The following ENO4 variants were observed in gnomAD, a reference collection of about 807,000 sequenced individuals.
The protein encoded by ENO4 is 2-phospho-D-glycerate hydro-lyase.
A neutral mutation model predicts 63.2 loss-of-function variants in ENO4; 53 were observed. The ratio of observed to expected loss-of-function variants is 0.84; its 90% confidence interval spans 0.67 to 1.05. ENO4 has a LOEUF of 1.05. Ranked by LOEUF, ENO4 falls within the 50% of genes least tolerant of loss-of-function variation. ENO4 has a pLI of 0.00. For synonymous variants in ENO4, 266 were observed against 283.8 expected (o/e 0.94, Z 0.63); for missense variants, 719 against 772.0 (o/e 0.93, Z 0.81).
rs1206911414 is a variant in ENO4, at chr10:116,860,900, A to G, written c.741A>G (p.Lys247=). Residue 247 remains lysine, a synonymous_variant, in exon 5 of 14, where the codon AAA becomes AAG. Coordinates refer to ENST00000341276, the MANE Select transcript of ENO4 (RefSeq NM_001242699.2). ...AIGAVSLAVA[K]ACAMLLNKPL... ...GGGCCGTGTCACTAGCTGTTGCCAA[A>G]GCCTGTGCCATGCTGCTTAATAAAC... The G allele has an allele frequency of 6.5e-7, 1 of 1,549,886 alleles. No individual in the cohort carries two copies. Among genetic ancestry groups the G allele is most frequent in the South Asian group, 1.2e-5 (1 of 83,944 alleles).
intron 11 of ENO4, among the ~76,000 whole-genome samples, chr10:116,876,786 G>A (rs778278720): frequency 1.3e-4 from 20 of 151,898 alleles, no homozygotes; most frequent in Non-Finnish European, 2.8e-4. Context: ...CCCATCTCTA[G>A]TAAAAATACA....
Position 116,911,228 on chromosome 10 carries a change from T to C in ENO4, c.1195-271T>C, listed in dbSNP as rs576664308. Among the ~76,000 whole-genome samples, 13 of 152,172 alleles carry C rather than the reference T, an allele frequency of 8.5e-5. No homozygotes were observed. The East Asian group carries it at 1.2e-3, about 14-fold the overall frequency. On this transcript the variant is annotated intron_variant, in intron 10 of 10. Transcript: ENST00000369207. The stretch of plus-strand genomic sequence containing the variant: ...GCTCACAGTTTGAAAAGCAAAAATA[T>C]GACTAGGAAGGGACACAAAGTATGC...
chr10:116,903,057 A>G (rs1847811946), intron 10 of ENO4, among the ~76,000 whole-genome samples: 1 of 152,220 alleles, frequency 6.6e-6, no homozygotes, highest in African/African-American at 2.4e-5. Context: ...AAGAGAGACT[A>G]AAAAATTGTG....
chr10:116,857,186 C>A (rs1846288517), intron 3 of ENO4, among the ~76,000 whole-genome samples: 1 of 152,114 alleles, frequency 6.6e-6, no homozygotes, highest in Non-Finnish European at 1.5e-5. Flanking sequence ...TGTAACACTA[C>A]ATAGGGCTTT....
intron 10 of ENO4, chr10:116,906,771 C>A (rs1380651975): frequency 1.3e-6 from 2 of 1,587,832 alleles, no homozygotes; most frequent in Admixed American, 3.6e-5. Flanking sequence ...AAAACAAAAA[C>A]AAAAAGGTTA....
Position 116,902,999 on chromosome 10 carries a change from G to A in ENO4, c.1195-8500G>A, listed in dbSNP as rs538155990. On this transcript the variant is annotated intron_variant, in intron 10 of 10. Transcript: ENST00000369207. Reference sequence around the variant, plus strand: ...TGCCTGATATACTCAGTATAATAGCGTAACATATCAACTCTAAAAATGAAG... The same window carrying A: ...TGCCTGATATACTCAGTATAATAGCATAACATATCAACTCTAAAAATGAAG... 1.1e-4 allele frequency among the ~76,000 whole-genome samples: 17 copies of A among 152,238 alleles called. No individual in the cohort carries two copies. The South Asian group carries it at 2.5e-3, about 22-fold the overall frequency.
chr10:116,900,498 A>T, intron 10 of ENO4: 1 of 1,489,324 alleles, frequency 6.7e-7, no homozygotes, highest in Middle Eastern at 1.7e-4. Flanking sequence ...CAAAAGGCAG[A>T]CAAAAGGAGG....
At chr10:116,909,485 G>C (rs1848105287) in intron 10 of ENO4, among the ~76,000 whole-genome samples, 1 of 152,170 alleles carries the variant, frequency 6.6e-6, no homozygotes, top group Non-Finnish European at 1.5e-5. Context: ...AATCACCACT[G>C]TCACTTAGAG....
At chr10:116,874,447 G>A (rs139909189) in intron 10 of ENO4, among the ~76,000 whole-genome samples, 14 of 152,296 alleles carry the variant, frequency 9.2e-5, no homozygotes, top group Admixed American at 2.0e-4. Context: ...CAATTACCTA[G>A]GAGTGTGCCT....
At chr10:116,866,722 T>G (rs191545192) in intron 7 of ENO4, among the ~76,000 whole-genome samples, 1 of 151,894 alleles carries the variant, frequency 6.6e-6, no homozygotes, top group African/African-American at 2.4e-5. Flanking sequence ...GGAGGATTGC[T>G]TGAGCCCAGG....
intron 1 of ENO4, among the ~76,000 whole-genome samples, chr10:116,852,876 C>T (rs1297316434): frequency 6.6e-6 from 1 of 152,162 alleles, no homozygotes; most frequent in African/African-American, 2.4e-5. Flanking sequence ...CAGATGATTA[C>T]ATCTGCATAA....
chr10:116,869,166 G>A (rs1284687546), intron 8 of ENO4, among the ~76,000 whole-genome samples: 2 of 152,192 alleles, frequency 1.3e-5, no homozygotes, highest in Non-Finnish European at 2.9e-5. Context: ...CAGGAACTCC[G>A]ATTTTGCCAG....
In ENO4 at chr10:116,908,007, C is replaced by CA. The variant is rs375771157; in HGVS notation, c.1195-3484dup. 4.4e-4 allele frequency: 200 copies of CA among 450,692 alleles called. 1 individual carries two copies. Among genetic ancestry groups the CA allele is most frequent in the Admixed American group, 2.8e-3 (111 of 39,426 alleles). 27.9% of individuals were successfully genotyped at this position (450,692 alleles called of 1,614,324 possible). A position where few individuals can be genotyped will look rare whatever the true frequency, so the allele number is the denominator to read the frequency against. ...CTTGTTTCTTCTTTAGCATGTAAAA[C>CA]AAAAAAAAGGTGCTTGTAAAATCAG... On this transcript the variant is annotated intron_variant, in intron 10 of 10. Transcript: ENST00000369207.
intron 6 of ENO4, among the ~76,000 whole-genome samples, chr10:116,861,911 CAGA>C (rs1350213356): frequency 3.3e-5 from 5 of 152,022 alleles, no homozygotes; most frequent in African/African-American, 7.2e-5. Context: ...TTATCAGTTG[CAGA>C]AGAATACTAT....
chr10:116,849,711 G>A lies in ENO4; in HGVS notation c.145G>A (p.Ala49Thr). 6.5e-7 allele frequency: 1 copy of A among 1,532,062 alleles called. No individual in the cohort carries two copies. Among genetic ancestry groups the A allele is most frequent in the Non-Finnish European group, 8.8e-7 (1 of 1,137,644 alleles). The allele number at this position is 1,532,062 out of a possible 1,614,324, so 94.9% of individuals were successfully genotyped here. ...CAACTCCACCTTCTACCTCCAGCCT[G>A]CCGACGTCTACGGGCACCTGGTAGG... ...LLNSTFYLQP[A>T]DVYGHLANCF... Residue 49 changes from alanine (A) to threonine (T), a missense_variant, in exon 1 of 14, where the codon GCC becomes ACC. By Grantham distance (58) the Ala-to-Thr change is moderately conservative (BLOSUM62 0). This residue lies in a region of ENO4 where 544 missense variants were observed against 583.6 expected (regional missense o/e 0.93). Transcript: ENST00000341276.
At chr10:116,886,711 A>T, downstream of ENO4, 1 of 1,113,964 alleles carries the variant, frequency 9.0e-7, no homozygotes, top group Non-Finnish European at 1.3e-6. Context: ...GATGCCAGCC[A>T]TTTAAAAGAA....
chr10:116,854,958 A>G (rs1250870252), intron 1 of ENO4, among the ~76,000 whole-genome samples: 3 of 149,496 alleles, frequency 2.0e-5, no homozygotes, highest in South Asian at 2.1e-4. Context: ...AAAAAAAAAA[A>G]AAAAAAAAAA....
chr10:116,853,927 C>T (rs1257635779), intron 1 of ENO4, among the ~76,000 whole-genome samples: 1 of 152,176 alleles, frequency 6.6e-6, no homozygotes, highest in African/African-American at 2.4e-5. Context: ...AAGCAAAGCC[C>T]AGTCCTATCT....
rs572742987 is a variant in ENO4 at position 116,870,750 on chromosome 10, C to T, written c.1048-375C>T. ...AAAGAGCAGGTTTGGAGGAAAAGGA[C>T]TGGCAGAGCTAGAGACAGACAGGGT... On this transcript the variant is annotated intron_variant, in intron 8 of 13. Coordinates refer to ENST00000341276, the MANE Select transcript of ENO4 (RefSeq NM_001242699.2). Among the ~76,000 whole-genome samples the T allele has an allele frequency of 2.6e-5, 4 of 152,244 alleles. No individual in the cohort carries two copies. In the South Asian group the frequency reaches 8.3e-4, roughly 32 times the overall value.
Sources: gnomAD v4.1 joint callset for allele counts (sites outside exome capture counted in the v4.1 genomes callset) on GRCh38, gnomAD v4.1.1 for gene constraint, gnomAD v4.1.1 regional missense constraint, MANE v1.5 for transcripts, NCBI Gene and HGNC (gene_info 2026-07-23, HGNC 2026-07-21) for gene names.